The following TTC13 variants were observed in gnomAD, a reference collection of about 807,000 sequenced individuals.
The protein encoded by TTC13 is tetratricopeptide repeat protein 13.
In TTC13, 62 loss-of-function variants were observed where a neutral mutation model predicts 120.0. That is an observed-to-expected ratio of 0.52 (90% CI 0.42 to 0.64). The LOEUF is 0.64. Ranked by LOEUF, TTC13 falls within the 30% of genes least tolerant of loss-of-function variation. The pLI is 0.00. For missense variants in TTC13, 824 were observed against 1,050.2 expected, an observed-to-expected ratio of 0.78 and a Z score of 2.98; for synonymous variants, 384 against 393.5, an observed-to-expected ratio of 0.98 and a Z score of 0.28.
At position 230,912,704 on chromosome 1, in the gene TTC13, T is replaced by C; in HGVS notation, c.2148A>G (p.Gln716=). The part of the protein sequence containing the change: ...VETQTTEERT[Q]LYHAEIDALY... ...GTGCATCTATTTCAGCATGATATAA[T>C]TGTGTCCTTTCTTCCGTGGTTTGAG... Residue 716 remains glutamine, a synonymous_variant, in exon 19 of 23, where the codon CAA becomes CAG. Coordinates refer to ENST00000366661, the MANE Select transcript of TTC13 (RefSeq NM_024525.5). 1.2e-6 allele frequency: 2 copies of C among 1,612,726 alleles called. No individual in the cohort carries two copies. The highest frequency in any genetic ancestry group is 1.7e-6 in the Non-Finnish European group (2 of 1,179,486).
Position 230,929,079 on chromosome 1 carries a change from G to A in TTC13, c.1315C>T (p.Leu439Phe), listed in dbSNP as rs770064987. The stretch of plus-strand genomic sequence containing the variant: ...AGGGGGGTATCAAGGTGTGCATGAA[G>A]ATATCGAGAATACTCTGCAGAAAGG... ...VKYLREYSRYLHAHLDTPLTE... is the reference protein window; with the variant it reads ...VKYLREYSRYFHAHLDTPLTE... Residue 439 changes from leucine to phenylalanine, a missense_variant, in exon 12 of 23, where the codon CTT becomes TTT. By Grantham distance (22) the Leu-to-Phe change is conservative. This residue lies in a region of TTC13 where 430 missense variants were observed against 626.8 expected (regional missense o/e 0.69). Transcript: ENST00000366661. 16 of 1,613,918 alleles carry A rather than the reference G, an allele frequency of 9.9e-6. No homozygotes were observed. The highest frequency in any genetic ancestry group is 1.4e-5 in the Non-Finnish European group (16 of 1,179,908).
At chr1:230,955,069 T>G (rs1675927229) in intron 3 of TTC13, among the ~76,000 whole-genome samples, 1 of 152,196 alleles carries the variant, frequency 6.6e-6, no homozygotes, top group Non-Finnish European at 1.5e-5. Flanking sequence ...GGACAATCTC[T>G]GAAAACACAG....
intron 8 of TTC13, 80 bp from the exon 9 acceptor site, chr1:230,933,941 A>G: frequency 1.1e-6 from 1 of 877,554 alleles, no homozygotes; most frequent in Non-Finnish European, 1.7e-6. Flanking sequence ...AAGGATTTAA[A>G]TATATATCCT....
intron 1 of TTC13, among the ~76,000 whole-genome samples, chr1:230,976,771 G>A (rs72746703): frequency 0.046 from 6,981 of 152,262 alleles, 242 homozygotes; most frequent in Non-Finnish European, 0.069. Context: ...GGGAAATATC[G>A]TAATACAAGT....
intron 1 of TTC13, among the ~76,000 whole-genome samples, chr1:230,963,674 A>AT (rs1217047534): frequency 4.0e-5 from 6 of 148,244 alleles, no homozygotes; most frequent in African/African-American, 1.5e-4. Flanking sequence ...AAATAAATAA[A>AT]AGAAAAAAGA....
At chr1:230,924,766 C>T (rs1455330203) in intron 14 of TTC13, 75 bp downstream of exon 14, 1 of 1,566,022 alleles carries the variant, frequency 6.4e-7, no homozygotes, top group Non-Finnish European at 8.7e-7. Context: ...GGTTCATAGC[C>T]TGTTAGCTAA....
rs1486464879 is a variant in TTC13, at chr1:230,958,266, A to T, written c.400T>A (p.Phe134Ile). ...CTGTCATTATCAGTGGCAAACGGGA[A>T]TCTCTTCTGTTCTGCAATAGACTTG... ...QAKSIAEQKR[F>I]PFATDNDSTN... Residue 134 changes from phenylalanine (F) to isoleucine (I), a missense_variant, in exon 3 of 23, where the codon TTC becomes ATC. By Grantham distance (21) the Phe-to-Ile change is conservative (BLOSUM62 0). Coordinates refer to ENST00000366661, the MANE Select transcript of TTC13 (RefSeq NM_024525.5). The T allele has an allele frequency of 6.2e-7, 1 of 1,613,202 alleles. No individual in the cohort carries two copies. The highest frequency in any genetic ancestry group is 2.2e-5 in the East Asian group (1 of 44,854).
At chr1:230,973,039 A>G (rs1677921453) in intron 1 of TTC13, among the ~76,000 whole-genome samples, 1 of 152,178 alleles carries the variant, frequency 6.6e-6, no homozygotes, top group African/African-American at 2.4e-5. Context: ...AAAACAAGAT[A>G]TGAAGAGGTC....
rs1315799650 is a variant in TTC13, at chr1:230,947,805, G to C, written c.514-2351C>G. 4.6e-5 allele frequency among the ~76,000 whole-genome samples: 7 copies of C among 152,290 alleles called. No homozygotes were observed. The East Asian group carries it at 1.4e-3, about 29-fold the overall frequency. The stretch of plus-strand genomic sequence containing the variant: ...ATGACCAAGAGGTGAATCAGAAAAA[G>C]ATGTAAATAAGCAGTTATTCTACAA... On this transcript the variant is annotated intron_variant, in intron 4 of 22. Transcript: ENST00000366661.
At chr1:230,938,011 A>T (rs1455903654) in intron 8 of TTC13, among the ~76,000 whole-genome samples, 1 of 152,218 alleles carries the variant, frequency 6.6e-6, no homozygotes, top group Non-Finnish European at 1.5e-5. Context: ...ACTGCCCTTA[A>T]CACTGAGGAT....
At chr1:230,974,405 G>T (rs1203306556) in intron 1 of TTC13, among the ~76,000 whole-genome samples, 1 of 152,164 alleles carries the variant, frequency 6.6e-6, no homozygotes, top group African/African-American at 2.4e-5. Context: ...GTGTGAGAAT[G>T]GTCCCATCAG....
chr1:230,965,213 T>C (rs1408237680), intron 1 of TTC13, among the ~76,000 whole-genome samples: 1 of 152,178 alleles, frequency 6.6e-6, no homozygotes, highest in African/African-American at 2.4e-5. Context: ...GATAAAATAT[T>C]TGCAAACTAC....
intron 1 of TTC13, among the ~76,000 whole-genome samples, chr1:230,969,661 G>C (rs1001598913): frequency 5.3e-4 from 80 of 152,096 alleles, no homozygotes; most frequent in African/African-American, 1.9e-3. Context: ...CTCAGGGCAG[G>C]GCTATGGAGT....
chr1:230,931,270 C>A, intron 11 of TTC13, 28 bp downstream of exon 11: 1 of 1,606,778 alleles, frequency 6.2e-7, no homozygotes, highest in South Asian at 1.1e-5. Context: ...GCATGAAAAT[C>A]CAACAATTCT....
At chr1:230,975,863 C>T (rs925355337) in intron 1 of TTC13, among the ~76,000 whole-genome samples, 5 of 152,092 alleles carry the variant, frequency 3.3e-5, no homozygotes, top group Non-Finnish European at 5.9e-5. Context: ...GACATGGATG[C>T]CATGTGACGG....
chr1:230,958,104 C>T, intron 3 of TTC13, 120 bp downstream of exon 3: 1 of 903,632 alleles, frequency 1.1e-6, no homozygotes, highest in Non-Finnish European at 1.7e-6. Context: ...CATGCAAGAT[C>T]AAACAGCTCA....
intron 1 of TTC13, among the ~76,000 whole-genome samples, chr1:230,963,261 A>C (rs1037318201): frequency 6.6e-6 from 1 of 152,212 alleles, no homozygotes; most frequent in African/African-American, 2.4e-5. Context: ...GAAACAAGAC[A>C]TGATATGGTG....
intron 9 of TTC13, among the ~76,000 whole-genome samples, chr1:230,932,903 G>A (rs894334646): frequency 2.0e-5 from 3 of 152,164 alleles, no homozygotes; most frequent in Admixed American, 6.5e-5. Context: ...CCTGCAGAAC[G>A]ACCAAGGCAG....
At position 230,954,359 on chromosome 1, in the gene TTC13, T is replaced by C; in HGVS notation, c.487A>G (p.Ile163Val). Reference sequence around the variant, plus strand: ...TGAAGCATTGTTGAAAAATGCCGTATTGCTTCATCATACAGACCACTGCCA... The same window carrying C: ...TGAAGCATTGTTGAAAAATGCCGTACTGCTTCATCATACAGACCACTGCCA... ...LIGSGLYDEA[I>V]RHFSTMLQEE... The change falls in exon 4 of 23, where the codon ATA becomes GTA. Residue 163 changes from isoleucine (I) to valine (V), a missense_variant. Around this residue, in one of 4 missense-constraint regions of TTC13, gnomAD observed 430 missense variants for 626.8 expected, o/e 0.69. Transcript: ENST00000366661. The C allele has an allele frequency of 6.2e-7, 1 of 1,612,736 alleles. No individual in the cohort carries two copies. Among genetic ancestry groups the C allele is most frequent in the Middle Eastern group, 1.7e-4 (1 of 6,052 alleles).
Sources: gnomAD v4.1 joint callset for allele counts (sites outside exome capture counted in the v4.1 genomes callset) on GRCh38, gnomAD v4.1.1 for gene constraint, gnomAD v4.1.1 regional missense constraint, MANE v1.5 for transcripts, NCBI Gene and HGNC (gene_info 2026-07-23, HGNC 2026-07-21) for gene names.